GNG7: variants seen among roughly 807,000 people sequenced by gnomAD.
The protein encoded by GNG7 is G protein subunit gamma 7.
Under a neutral mutation model 4.0 loss-of-function variants are expected in GNG7, and 1 was observed. The ratio of observed to expected loss-of-function variants is 0.25; its 90% CI spans 0.09 to 1.18. GNG7 has a LOEUF of 1.18. GNG7 is among the 50% of genes most tolerant of loss of function. The pLI is 0.50. For synonymous variants in GNG7, 34 were observed against 36.9 expected (o/e 0.92, Z 0.29); for missense variants, 86 against 91.9 (o/e 0.94, Z 0.26).
intron 2 of GNG7, among the ~76,000 whole-genome samples, chr19:2,574,029 TC>T (rs1980232246): frequency 1.3e-5 from 2 of 152,220 alleles, no homozygotes; most frequent in East Asian, 1.9e-4. Context: ...GGCCTGGGTA[TC>T]CCGAGACCAG....
chr19:2,542,549 C>T (rs1227559082), intron 3 of GNG7, among the ~76,000 whole-genome samples: 1 of 152,194 alleles, frequency 6.6e-6, no homozygotes, highest in Non-Finnish European at 1.5e-5. Context: ...CAACTGGAAG[C>T]TTCGCGTCAG....
intron 3 of GNG7, among the ~76,000 whole-genome samples, chr19:2,525,832 C>T (rs1241374834): frequency 1.3e-5 from 2 of 151,736 alleles, no homozygotes; most frequent in Non-Finnish European, 2.9e-5. Flanking sequence ...TTTTTTGAGT[C>T]GGAGTCTCGC....
At position 2,626,616 on chromosome 19, in the gene GNG7, C is replaced by T. The variant is rs902828396; in HGVS notation, c.-78+19608G>A. Among the ~76,000 whole-genome samples, 6 of 152,304 alleles carry T rather than the reference C, an allele frequency of 3.9e-5. No homozygotes were observed. Among genetic ancestry groups the T allele is most frequent in the African/African-American group, 1.4e-4 (6 of 41,566 alleles). On this transcript the variant is annotated intron_variant, in intron 2 of 4. Transcript: ENST00000382159. The surrounding 1 kb of genome is among the most constrained non-coding windows in gnomAD (Gnocchi z 5.0). ...CTCCAGGAAGCCCTCCCTGAATTCC[C>T]GAACAAAGCTCCTGGTGTGGGCACC...
intron 2 of GNG7, among the ~76,000 whole-genome samples, chr19:2,589,792 C>A (rs1261440443): frequency 2.6e-5 from 4 of 152,138 alleles, no homozygotes; most frequent in Non-Finnish European, 2.9e-5. Context: ...GACAAAAGGC[C>A]ACACAGTGTG....
rs543675556 is a variant in GNG7, at chr19:2,636,032, A to G, written c.-78+10192T>C. 6.9e-4 allele frequency among the ~76,000 whole-genome samples: 105 copies of G among 152,334 alleles called. 1 individual carries two copies. Among genetic ancestry groups the G allele is most frequent in the African/African-American group, 2.5e-3 (102 of 41,584 alleles). On this transcript the variant is annotated intron_variant, in intron 2 of 4. Coordinates refer to ENST00000382159, the MANE Select transcript of GNG7 (RefSeq NM_052847.3). ...GCAGTGCCCAGGACAGCCCCACCCC[A>G]GAGAAAAATGTGGCCCCAATGTCTA...
chr19:2,642,408 C>G (rs750306039), intron 2 of GNG7: 14 of 272,992 alleles, frequency 5.1e-5, no homozygotes, highest in South Asian at 4.4e-4. Flanking sequence ...CTCTGTTGCC[C>G]AGGTTGGAGT....
intron 3 of GNG7, among the ~76,000 whole-genome samples, chr19:2,549,379 C>T (rs1191857135): frequency 6.6e-6 from 1 of 151,552 alleles, no homozygotes; most frequent in African/African-American, 2.4e-5. Flanking sequence ...GCAAACTCCA[C>T]CCCCTGGGTT....
intron 1 of GNG7, among the ~76,000 whole-genome samples, chr19:2,697,885 T>C (rs1021511591): frequency 3.3e-5 from 5 of 151,354 alleles, no homozygotes; most frequent in Non-Finnish European, 7.4e-5. Context: ...GGCAGGAGAA[T>C]CGCTTGAACC....
At chr19:2,583,053 G>A (rs12975772) in intron 2 of GNG7, among the ~76,000 whole-genome samples, 74,802 of 151,876 alleles carry the variant, frequency 0.49, 21,006 homozygotes, top group Middle Eastern at 0.68. Context: ...CAATCCTCCT[G>A]CCTCAGCCTC....
intron 2 of GNG7, chr19:2,643,289 C>T (rs1182102524): frequency 4.7e-6 from 2 of 423,794 alleles, no homozygotes; most frequent in Non-Finnish European, 9.3e-6. Context: ...ACCATGTGCA[C>T]CGGAAATGCA....
In GNG7 at chr19:2,512,936, C is replaced by A. The variant is rs1433663545; in HGVS notation, c.*2086G>T. ...ACCCCAAACCCTGCCGGCTCCCAGC[C>A]CAACCACAGGAGGCTGCAGTCTCCG... On this transcript the variant is annotated 3_prime_UTR_variant, in exon 5 of 5. Transcript: ENST00000382159. The surrounding 1 kb of genome is among the most constrained non-coding windows in gnomAD (Gnocchi z 4.7). The A allele has an allele frequency of 6.1e-6, 6 of 985,374 alleles. No individual in the cohort carries two copies. Among genetic ancestry groups the A allele is most frequent in the African/African-American group, 1.7e-5 (1 of 57,246 alleles). 61.0% of individuals were successfully genotyped at this position (985,374 alleles called of 1,614,324 possible).
At position 2,618,342 on chromosome 19, in the gene GNG7, GGTGTGTGT is replaced by G. The variant is rs35982775; in HGVS notation, c.-78+27874_-78+27881del. On this transcript the variant is annotated intron_variant, in intron 2 of 4. Coordinates refer to ENST00000382159, the MANE Select transcript of GNG7 (RefSeq NM_052847.3). This position sits in a 1 kb window ranked among gnomAD's most constrained non-coding sequence, Gnocchi z 5.1. ...TTCTCTTTTCTACCTGTATGTGTGT[GGTGTGTGT>G]GTGTGTGTGTGTGTGTGTGTGTGTA... Among the ~76,000 whole-genome samples, 3 of 146,402 alleles carry G rather than the reference GGTGTGTGT, an allele frequency of 2.0e-5. No homozygotes were observed. The highest frequency in any genetic ancestry group is 7.5e-5 in the African/African-American group (3 of 39,844).
In GNG7 at chr19:2,512,863, C is replaced by T; in HGVS notation, c.*2159G>A. ...GTCCTCCCAGGGTCTCTGGAACAGG[C>T]TTTTGTCCCTTCCTGCCATTCCTGC... On this transcript the variant is annotated 3_prime_UTR_variant, in exon 5 of 5. Transcript: ENST00000382159. The surrounding 1 kb of genome is among the most constrained non-coding windows in gnomAD (Gnocchi z 4.7). 5 of 979,572 alleles carry T rather than the reference C, an allele frequency of 5.1e-6. No individual in the cohort carries two copies. The highest frequency in any genetic ancestry group is 6.1e-6 in the Non-Finnish European group (5 of 824,534). The allele number at this position is 979,572 out of a possible 1,614,324, so 60.7% of individuals were successfully genotyped here.
At chr19:2,662,858 C>A (rs1983214949) in intron 1 of GNG7, among the ~76,000 whole-genome samples, 1 of 152,160 alleles carries the variant, frequency 6.6e-6, no homozygotes, top group African/African-American at 2.4e-5. Context: ...CTGCCTTGAT[C>A]TTTCTGGTGG....
intron 2 of GNG7, among the ~76,000 whole-genome samples, chr19:2,583,765 C>G (rs1489040285): frequency 6.6e-6 from 1 of 152,142 alleles, no homozygotes; most frequent in Admixed American, 6.6e-5. Flanking sequence ...GCACTGCACT[C>G]CTATTTAATT....
intron 2 of GNG7, among the ~76,000 whole-genome samples, chr19:2,567,331 T>TTGTGTGTGTGTGTGTGTG (rs3221748): frequency 0.034 from 4,666 of 137,186 alleles, 175 homozygotes; most frequent in East Asian, 0.17. Context: ...TGTCGTCGAT[T>TTGTGTGTGTGTGTGTGTG]TGTGTGTGTG....
At chr19:2,578,170 T>C (rs2144788356) in intron 2 of GNG7, among the ~76,000 whole-genome samples, 1 of 151,862 alleles carries the variant, frequency 6.6e-6, no homozygotes, top group South Asian at 2.1e-4. Flanking sequence ...TATGACATCA[T>C]AGAGGGTGCT....
chr19:2,672,850 G>A (rs1470216573), intron 1 of GNG7, among the ~76,000 whole-genome samples: 1 of 152,172 alleles, frequency 6.6e-6, no homozygotes. Context: ...TGGACGTCAC[G>A]TGCCCCTGAT....
intron 1 of GNG7, among the ~76,000 whole-genome samples, chr19:2,651,319 C>A (rs1164867337): frequency 2.8e-5 from 2 of 71,788 alleles, no homozygotes; most frequent in African/African-American, 1.2e-4. Flanking sequence ...CCATCCCTCC[C>A]TCCCTCCCTC....
Sources: gnomAD v4.1 joint callset for allele counts (sites outside exome capture counted in the v4.1 genomes callset) on GRCh38, gnomAD v4.1.1 for gene constraint, Gnocchi (gnomAD v3.1) non-coding constraint, MANE v1.5 for transcripts, NCBI Gene and HGNC (gene_info 2026-07-23, HGNC 2026-07-21) for gene names.